The following NOTO variants were observed in gnomAD, a reference collection of about 807,000 sequenced individuals.
The protein encoded by NOTO is notochord homeobox.
In NOTO, 19 loss-of-function variants were observed where a neutral mutation model predicts 20.5. That is an observed-to-expected ratio of 0.93 (90% CI 0.65 to 1.36). The LOEUF (loss-of-function observed/expected upper bound fraction) is 1.36. Ranked by LOEUF, NOTO falls within the 40% of genes most tolerant of loss-of-function variation. The probability of loss-of-function intolerance (pLI) is 0.00; values close to 1 mark genes in which losing one functional copy is unlikely to be tolerated. For synonymous variants in NOTO, 150 were observed against 150.2 expected, an observed-to-expected ratio of 1.00 and a Z score of 0.01; for missense variants, 369 against 336.2, an observed-to-expected ratio of 1.10 and a Z score of -0.76.
intron 1 of NOTO, among the ~76,000 whole-genome samples, chr2:73,207,666 T>G (rs956449709): frequency 4.6e-5 from 7 of 152,172 alleles, no homozygotes; most frequent in African/African-American, 1.7e-4. Flanking sequence ...GCAGTTCTCC[T>G]GCCTCAGCCT....
intron 2 of NOTO, 69 bp downstream of exon 2, chr2:73,208,683 A>G: frequency 9.7e-7 from 1 of 1,034,600 alleles, no homozygotes; most frequent in Non-Finnish European, 1.5e-6. Context: ...CAAGGCCCTA[A>G]AAGGAGGGTG....
intron 1 of NOTO, among the ~76,000 whole-genome samples, chr2:73,207,939 T>C (rs987878353): frequency 2.6e-5 from 4 of 152,218 alleles, no homozygotes; most frequent in African/African-American, 9.6e-5. Flanking sequence ...GTAAGCTCCA[T>C]AACGACAGAG....
Position 73,207,823 on chromosome 2 carries a change from G to A in NOTO, c.383-577G>A, listed in dbSNP as rs181795760. ...GCCCCCTTCAGCCTCCCAAAGTGCT[G>A]GAATTACAGGCATGAGCCAACGTGC... On this transcript the variant is annotated intron_variant, in intron 1 of 2. Coordinates refer to ENST00000398468, the MANE Select transcript of NOTO (RefSeq NM_001134462.2). Among the ~76,000 whole-genome samples the A allele has an allele frequency of 1.5e-3, 222 of 152,234 alleles. 1 individual carries two copies. The highest frequency in any genetic ancestry group is 4.9e-3 in the African/African-American group (204 of 41,544).
At chr2:73,205,658 T>C (rs1558547288) in intron 1 of NOTO, among the ~76,000 whole-genome samples, 1 of 152,272 alleles carries the variant, frequency 6.6e-6, no homozygotes. Flanking sequence ...TTTTTTTCTT[T>C]TTTGAGACAG....
At position 73,202,671 on chromosome 2, in the gene NOTO, C is replaced by G; in HGVS notation, c.5C>G (p.Pro2Arg). The change falls in exon 1 of 3, where the codon CCT (proline) becomes CGT (arginine). Residue 2 changes from proline (P) to arginine (R), a missense_variant. By Grantham distance (103) the Pro-to-Arg change is moderately radical. Coordinates refer to ENST00000398468, the MANE Select transcript of NOTO (RefSeq NM_001134462.2). ...CGTCCGGGCAACGGCCGCGTCATGC[C>G]TAGCCCCAGGCCGCGAGGCAGCCCG... is the stretch of plus-strand genomic sequence containing the variant. MPSPRPRGSPPP... is the reference protein window; with the variant it reads MRSPRPRGSPPP... 2 of 1,483,518 alleles carry G rather than the reference C, an allele frequency of 1.3e-6. No individual in the cohort carries two copies. Among genetic ancestry groups the G allele is most frequent in the Non-Finnish European group, 1.8e-6 (2 of 1,124,952 alleles). The allele number at this position is 1,483,518 out of a possible 1,614,324, so 91.9% of individuals were successfully genotyped here.
rs552657051 is a variant in NOTO at position 73,211,220 on chromosome 2, G to A, written c.*291G>A. 1.5e-5 allele frequency: 5 copies of A among 329,266 alleles called. No homozygotes were observed. The South Asian group carries it at 2.9e-4, about 19-fold the overall frequency. 20.4% of individuals were successfully genotyped at this position (329,266 alleles called of 1,614,324 possible). A position where few individuals can be genotyped will look rare whatever the true frequency, so the allele number is the denominator to read the frequency against. ...CATAACTTAGATCACCCAGGGGTGA[G>A]AAGATGTCTGTAAAGCAATAATGTG... On this transcript the variant is annotated 3_prime_UTR_variant, in exon 3 of 3. Transcript: ENST00000398468.
chr2:73,208,609 A>G lies in NOTO; in HGVS notation c.592A>G (p.Asn198Asp), dbSNP rs1206321604. The part of the protein sequence containing the change: ...QLAARLKLTE[N>D]QVRVWFQNRR... ...GGCAGCTCGGCTCAAACTTACAGAG[A>G]ACCAGGTGGGAGTAGGGACTCCTAT... Residue 198 changes from asparagine to aspartate, a missense_variant, in exon 2 of 3, where the codon AAC becomes GAC. Coordinates refer to ENST00000398468, the MANE Select transcript of NOTO (RefSeq NM_001134462.2). The G allele has an allele frequency of 6.5e-7, 1 of 1,549,150 alleles. No individual in the cohort carries two copies. Among genetic ancestry groups the G allele is most frequent in the Admixed American group, 2.0e-5 (1 of 50,994 alleles).
chr2:73,204,794 T>C (rs1686063956), intron 1 of NOTO, among the ~76,000 whole-genome samples: 1 of 152,042 alleles, frequency 6.6e-6, no homozygotes, highest in Admixed American at 6.6e-5. Context: ...AACCTCCTCC[T>C]TCCGGTCTCA....
At chr2:73,203,853 C>A (rs1027102385) in intron 1 of NOTO, among the ~76,000 whole-genome samples, 1 of 144,326 alleles carries the variant, frequency 6.9e-6, no homozygotes, top group African/African-American at 2.7e-5. Context: ...GTAATCCCAG[C>A]ACTTTGGGAG....
At position 73,211,325 on chromosome 2, in the gene NOTO, GT is replaced by G; in HGVS notation, c.*403del. Reference sequence around the variant, plus strand: ...GAGAAGACCAACTGGAAAAAAAAAAGTTTTTTTCTTCTGCTGTCACCCCACA... The same window carrying G: ...GAGAAGACCAACTGGAAAAAAAAAAGTTTTTTCTTCTGCTGTCACCCCACA... On this transcript the variant is annotated 3_prime_UTR_variant, in exon 3 of 3. Transcript: ENST00000398468. 1.3e-5 allele frequency: 2 copies of G among 151,942 alleles called. No homozygotes were observed. Among genetic ancestry groups the G allele is most frequent in the East Asian group, 3.8e-4 (2 of 5,272 alleles). The allele number at this position is 151,942 out of a possible 1,614,324, so 9.4% of individuals were successfully genotyped here. A position where few individuals can be genotyped will look rare whatever the true frequency, so the allele number is the denominator to read the frequency against.
In NOTO at chr2:73,210,163, G is replaced by C. The variant is rs150694144; in HGVS notation, c.598-608G>C. ...CTCATGGGTGACATTCCTTATCTATGGCCTTCCAGGTCCTGGGTGATCTGG... is the reference window on the plus strand; with the variant it reads ...CTCATGGGTGACATTCCTTATCTATCGCCTTCCAGGTCCTGGGTGATCTGG... On this transcript the variant is annotated intron_variant, in intron 2 of 2. Transcript: ENST00000398468. Among the ~76,000 whole-genome samples the C allele has an allele frequency of 1.8e-3, 270 of 152,276 alleles. 4 individuals carry two copies. The highest frequency in any genetic ancestry group is 6.3e-3 in the African/African-American group (260 of 41,556).
intron 2 of NOTO, among the ~76,000 whole-genome samples, chr2:73,209,572 T>C (rs1016567029): frequency 5.3e-5 from 8 of 152,194 alleles, no homozygotes; most frequent in African/African-American, 1.7e-4. Context: ...CCATGCTGTC[T>C]AGTTTTCCTC....
Position 73,210,993 on chromosome 2 carries a change from G to GGAA in NOTO, c.*64_*65insGAA. 2 of 1,383,334 alleles carry GGAA rather than the reference G, an allele frequency of 1.4e-6. No homozygotes were observed. Among genetic ancestry groups the GGAA allele is most frequent in the Non-Finnish European group, 2.0e-6 (2 of 1,018,520 alleles). 85.7% of individuals were successfully genotyped at this position (1,383,334 alleles called of 1,614,324 possible). ...GTTCCTCCTGGGGGTACCCACTGGA[G>GGAA]CTCCCTGCCTCACACCTCAACGAAA... On this transcript the variant is annotated 3_prime_UTR_variant, in exon 3 of 3. Coordinates refer to ENST00000398468, the MANE Select transcript of NOTO (RefSeq NM_001134462.2).
In NOTO at chr2:73,208,453, A is replaced by G. The variant is rs2103694853; in HGVS notation, c.436A>G (p.Thr146Ala). Residue 146 changes from threonine to alanine, a missense_variant, in exon 2 of 3, where the codon ACG becomes GCG. Thr to Ala is a moderately conservative substitution (Grantham distance 58). Transcript: ENST00000398468. ...CTGGGCCTTCCCAGACTGGGCCCCAACGGAGGACCTACAGGACACTGAGAG... is the reference window on the plus strand; with the variant it reads ...CTGGGCCTTCCCAGACTGGGCCCCAGCGGAGGACCTACAGGACACTGAGAG... ...GLWAFPDWAP[T>A]EDLQDTERQQ... 5 of 1,551,694 alleles carry G rather than the reference A, an allele frequency of 3.2e-6. No homozygotes were observed. The highest frequency in any genetic ancestry group is 1.4e-5 in the African/African-American group (1 of 73,156).
chr2:73,207,557 AT>A (rs1395211006), intron 1 of NOTO, among the ~76,000 whole-genome samples: 6 of 149,672 alleles, frequency 4.0e-5, no homozygotes, highest in African/African-American at 7.3e-5. Context: ...ATGACTCCCA[AT>A]TTTTTTTTTA....
chr2:73,202,890 A>G lies in NOTO; in HGVS notation c.224A>G (p.His75Arg). The G allele has an allele frequency of 1.3e-6, 2 of 1,527,564 alleles. No homozygotes were observed. The highest frequency in any genetic ancestry group is 2.0e-5 in the Admixed American group (1 of 50,412). The allele number at this position is 1,527,564 out of a possible 1,614,324, so 94.6% of individuals were successfully genotyped here. The change falls in exon 1 of 3, where the codon CAC becomes CGC. Residue 75 changes from histidine (H) to arginine (R), a missense_variant. Coordinates refer to ENST00000398468, the MANE Select transcript of NOTO (RefSeq NM_001134462.2). The part of the protein sequence containing the change: ...ASQPSGSACV[H>R]PAFWTAASLC... ...CAGCCGTCGGGCTCCGCCTGCGTCC[A>G]CCCGGCCTTCTGGACCGCTGCTTCC...
chr2:73,208,252 G>A (rs1686115635), intron 1 of NOTO, 148 bp from the exon 2 acceptor site: 2 of 612,732 alleles, frequency 3.3e-6, no homozygotes, highest in East Asian at 2.7e-5. Context: ...TCTTTCCACT[G>A]TCTTCTTGCA....
Position 73,202,842 on chromosome 2 carries a change from A to G in NOTO, c.176A>G (p.Asp59Gly). 6.6e-7 allele frequency: 1 copy of G among 1,521,860 alleles called. No homozygotes were observed. The highest frequency in any genetic ancestry group is 8.8e-7 in the Non-Finnish European group (1 of 1,140,576). The allele number at this position is 1,521,860 out of a possible 1,614,324, so 94.3% of individuals were successfully genotyped here. A position where few individuals can be genotyped will look rare whatever the true frequency, so the allele number is the denominator to read the frequency against. The change falls in exon 1 of 3, where the codon GAC (aspartate) becomes GGC (glycine). Residue 59 changes from aspartate to glycine, a missense_variant. Asp to Gly is a moderately conservative substitution (Grantham distance 94). Transcript: ENST00000398468. ...FSVEAILARPDPCAPAASQPS... is the reference protein window; with the variant it reads ...FSVEAILARPGPCAPAASQPS... ...GTCGAGGCCATCCTGGCGAGGCCCG[A>G]CCCCTGCGCGCCGGCGGCCTCCCAG...
rs1686027545 is a variant in NOTO at position 73,202,995 on chromosome 2, T to C, written c.329T>C (p.Val110Ala). The change falls in exon 1 of 3, where the codon GTG (valine) becomes GCG (alanine). Residue 110 changes from valine to alanine, a missense_variant. Val to Ala is a moderately conservative substitution (Grantham distance 64, BLOSUM62 0). Transcript: ENST00000398468. Reference sequence around the variant, plus strand: ...TACCTGAGCGTAGGTTTTTACCCTGTGCCAGGGCCGCGCGTGGCTCCCGTC... The same window carrying C: ...TACCTGAGCGTAGGTTTTTACCCTGCGCCAGGGCCGCGCGTGGCTCCCGTC... ...PAYLSVGFYPVPGPRVAPVCG... is the reference protein window; with the variant it reads ...PAYLSVGFYPAPGPRVAPVCG... 14 of 1,448,792 alleles carry C rather than the reference T, an allele frequency of 9.7e-6. No individual in the cohort carries two copies. The highest frequency in any genetic ancestry group is 1.5e-5 in the African/African-American group (1 of 67,224). 89.7% of individuals were successfully genotyped at this position (1,448,792 alleles called of 1,614,324 possible). A position where few individuals can be genotyped will look rare whatever the true frequency, so the allele number is the denominator to read the frequency against.
Sources: allele counts gnomAD v4.1 joint callset (sites outside exome capture counted in the v4.1 genomes callset), GRCh38; gene constraint gnomAD v4.1.1; transcripts MANE v1.5; gene names NCBI Gene and HGNC (gene_info 2026-07-23, HGNC 2026-07-21).